Variants in ITIH3 observed in about 807,000 individuals in gnomAD.
ITIH3 encodes the protein inter-alpha-trypsin inhibitor heavy chain H3.
Under a neutral mutation model 96.5 loss-of-function variants are expected in ITIH3, and 81 were observed. The observed-to-expected ratio is 0.84, with a 90% CI of 0.70 to 1.01. ITIH3 has a LOEUF of 1.01. Among genes scored for constraint, ITIH3 ranks in the 50% least tolerant of loss-of-function variants. The pLI, the probability that ITIH3 is intolerant of heterozygous loss-of-function variation, is 0.00. For missense variants in ITIH3, 1,057 were observed against 1,139.3 expected, an observed-to-expected ratio of 0.93 and a Z score of 1.04; for synonymous variants, 422 against 445.2, an observed-to-expected ratio of 0.95 and a Z score of 0.66.
Position 52,808,181 on chromosome 3 carries a change from G to A in ITIH3, c.2503G>A (p.Ala835Thr), listed in dbSNP as rs1700125260. The A allele has an allele frequency of 7.4e-6, 12 of 1,614,232 alleles. No individual in the cohort carries two copies. The highest frequency in any genetic ancestry group is 1.0e-5 in the Non-Finnish European group (12 of 1,180,024). Residue 835 changes from alanine (A) to threonine (T), a missense_variant, in exon 21 of 22, where the codon GCC becomes ACC. By Grantham distance (58) the Ala-to-Thr change is moderately conservative. Transcript: ENST00000449956. ...AGGCTCTGACCCCACAAAGCCAGAT[G>A]CCACATTGGTGGTGAAGAACCATCA... ...RPGSDPTKPD[A>T]TLVVKNHQLI...
At position 52,808,112 on chromosome 3, in the gene ITIH3, C is replaced by A. The variant is rs1367005956; in HGVS notation, c.2434C>A (p.Gln812Lys). The A allele has an allele frequency of 2.5e-6, 4 of 1,613,832 alleles. No individual in the cohort carries two copies. In the African/African-American group the frequency reaches 4.0e-5, roughly 16 times the overall value. The change falls in exon 21 of 22, where the codon CAA becomes AAA. Residue 812 changes from glutamine (Q) to lysine (K), a missense_variant and splice_region_variant. Gln to Lys is a moderately conservative substitution (Grantham distance 53). Transcript: ENST00000449956. ...MSAQTHGLLG[Q>K]FFQPFDFKVS... ...AGCATGAATATTTTTCTTCCCAGGG[C>A]AATTCTTCCAACCCTTTGACTTTAA...
intron 13 of ITIH3, among the ~76,000 whole-genome samples, chr3:52,803,031 G>A (rs1317875195): frequency 2.0e-5 from 3 of 152,212 alleles, no homozygotes; most frequent in Non-Finnish European, 4.4e-5. Flanking sequence ...CCCCGGGGTA[G>A]GGGGGACTTC....
At chr3:52,803,052 T>C (rs1304270314) in intron 13 of ITIH3, among the ~76,000 whole-genome samples, 1 of 152,218 alleles carries the variant, frequency 6.6e-6, no homozygotes, top group Admixed American at 6.5e-5. Context: ...AGCACCCTGC[T>C]GCCCACACTG....
chr3:52,806,754 G>C (rs1424126899), intron 18 of ITIH3, 147 bp from the exon 19 acceptor site: 1 of 682,544 alleles, frequency 1.5e-6, no homozygotes, highest in African/African-American at 1.8e-5. Flanking sequence ...GAACCAACAG[G>C]CTTGGGCTCT....
rs768684372 is a variant in ITIH3 at position 52,796,859 on chromosome 3, C to G, written c.386+16C>G. 3 of 1,553,388 alleles carry G rather than the reference C, an allele frequency of 1.9e-6. No individual in the cohort carries two copies. Among genetic ancestry groups the G allele is most frequent in the Non-Finnish European group, 2.6e-6 (3 of 1,140,568 alleles). On this transcript the variant is annotated intron_variant, in intron 4 of 21. Transcript: ENST00000449956. ...GCTTGGTCAAGTAAGTATGGACTCCCAGGCCTTGGGGAGAATGTCTGGGAT... is the reference window on the plus strand; with the variant it reads ...GCTTGGTCAAGTAAGTATGGACTCCGAGGCCTTGGGGAGAATGTCTGGGAT...
chr3:52,799,530 G>C (rs770546252), intron 8 of ITIH3, 42 bp downstream of exon 8: 7 of 1,430,352 alleles, frequency 4.9e-6, no homozygotes, highest in Admixed American at 4.5e-5. Context: ...GGGGTAGTAG[G>C]GGGTGGAAGA....
intron 16 of ITIH3, 50 bp downstream of exon 16, chr3:52,805,890 C>T (rs772119083): frequency 5.9e-5 from 94 of 1,602,050 alleles, no homozygotes; most frequent in Non-Finnish European, 7.8e-5. Context: ...AGAGCCTGCC[C>T]CTGCCACATG....
intron 2 of ITIH3, chr3:52,796,149 A>C (rs774503148): frequency 2.1e-5 from 6 of 282,472 alleles, no homozygotes; most frequent in Non-Finnish European, 4.0e-5. Flanking sequence ...GAGCAGGAAG[A>C]GCCAGGGGCA....
At chr3:52,805,488 G>A (rs1192088839) in intron 15 of ITIH3, 7 of 1,155,452 alleles carry the variant, frequency 6.1e-6, no homozygotes, top group East Asian at 9.9e-5. Context: ...CAACTAGGGG[G>A]TGGGAAGCCC....
chr3:52,800,678 C>T lies in ITIH3; in HGVS notation c.1201+15C>T. 6.3e-7 allele frequency: 1 copy of T among 1,597,394 alleles called. No homozygotes were observed. Among genetic ancestry groups the T allele is most frequent in the Non-Finnish European group, 8.5e-7 (1 of 1,172,086 alleles). ...TGCCAATGTTGGTGAGGAGCACGGG[C>T]ATGGTTTTGAGCTAGGGCTGGAGTG... On this transcript the variant is annotated intron_variant, in intron 10 of 21. Coordinates refer to ENST00000449956, the MANE Select transcript of ITIH3 (RefSeq NM_002217.4).
chr3:52,807,693 G>A, intron 19 of ITIH3, 54 bp from the exon 20 acceptor site: 1 of 1,553,432 alleles, frequency 6.4e-7, no homozygotes, highest in Admixed American at 1.9e-5. Flanking sequence ...TGAGTCAGAT[G>A]CCCAGTGTCA....
In ITIH3 at chr3:52,797,695, C is replaced by A. The variant is rs1699646830; in HGVS notation, c.550-122C>A. 3 of 633,520 alleles carry A rather than the reference C, an allele frequency of 4.7e-6. No homozygotes were observed. In the East Asian group the frequency reaches 8.3e-5, roughly 18 times the overall value. 39.2% of individuals were successfully genotyped at this position (633,520 alleles called of 1,614,324 possible). ...TCGCAGTGGGAGACACCAGGCTTGG[C>A]CCTCAGCACTGTCCTAGAGGGTCCC... On this transcript the variant is annotated intron_variant, in intron 5 of 21. Coordinates refer to ENST00000449956, the MANE Select transcript of ITIH3 (RefSeq NM_002217.4).
At chr3:52,804,975 T>C (rs1699985340) in intron 15 of ITIH3, 2 of 557,866 alleles carry the variant, frequency 3.6e-6, no homozygotes, top group African/African-American at 1.9e-5. Context: ...ACAGTATCTA[T>C]GACCTGCAAA....
chr3:52,803,789 C>T (rs1282623291), intron 13 of ITIH3, 66 bp from the exon 14 acceptor site: 2 of 1,566,138 alleles, frequency 1.3e-6, no homozygotes, highest in South Asian at 1.1e-5. Flanking sequence ...TCCACTGCTC[C>T]AGTGCAGGGG....
Position 52,799,859 on chromosome 3 carries a change from A to G in ITIH3, c.1013A>G (p.Gln338Arg), listed in dbSNP as rs1319732001. 1 of 1,613,806 alleles carries G rather than the reference A, an allele frequency of 6.2e-7. No individual in the cohort carries two copies. The highest frequency in any genetic ancestry group is 1.3e-5 in the African/African-American group (1 of 74,938). The change falls in exon 9 of 22, where the codon CAG (glutamine) becomes CGG (arginine). Residue 338 changes from glutamine to arginine, a missense_variant. Gln to Arg is a conservative substitution (Grantham distance 43). Transcript: ENST00000449956. Reference sequence around the variant, plus strand: ...TCCACATGGAAAGAGCACTTAGTCCAGGCCACGCCCGAGAACCTCCAGGAG... The same window carrying G: ...TCCACATGGAAAGAGCACTTAGTCCGGGCCACGCCCGAGAACCTCCAGGAG... ...DVSTWKEHLV[Q>R]ATPENLQEAR...
chr3:52,795,624 G>T lies in ITIH3; in HGVS notation c.114+1G>T. Reference sequence around the variant, plus strand: ...TCAGAAACGGAGCCTCCCGGAAGGGGTAAGAACTTTCACCAGGGGGTGGGA... The same window carrying T: ...TCAGAAACGGAGCCTCCCGGAAGGGTTAAGAACTTTCACCAGGGGGTGGGA... On this transcript the variant is annotated splice_donor_variant, in intron 2 of 21. Transcript: ENST00000449956. LOFTEE classifies it high-confidence loss of function. 6.2e-7 allele frequency: 1 copy of T among 1,612,490 alleles called. No homozygotes were observed. The highest frequency in any genetic ancestry group is 1.1e-5 in the South Asian group (1 of 90,614).
intron 13 of ITIH3, among the ~76,000 whole-genome samples, chr3:52,803,016 G>C (rs1699895435): frequency 6.6e-6 from 1 of 152,230 alleles, no homozygotes; most frequent in Admixed American, 6.5e-5. Context: ...AGCAGCCTGG[G>C]AGTGCCCCGG....
chr3:52,807,920 C>T lies in ITIH3; in HGVS notation c.2431+4C>T, dbSNP rs556343667. On this transcript the variant is annotated splice_donor_region_variant and intron_variant, in intron 20 of 21. Coordinates refer to ENST00000449956, the MANE Select transcript of ITIH3 (RefSeq NM_002217.4). ...GCACAGACGCATGGGCTGCTGGGTA[C>T]GAAGTGTTCAGACTGCAGGCTGTTC... The T allele has an allele frequency of 6.2e-6, 10 of 1,611,962 alleles. No individual in the cohort carries two copies. Among genetic ancestry groups the T allele is most frequent in the Middle Eastern group, 1.7e-4 (1 of 5,930 alleles).
intron 18 of ITIH3, 129 bp downstream of exon 18, chr3:52,806,535 C>A: frequency 1.4e-6 from 1 of 714,798 alleles, no homozygotes; most frequent in Non-Finnish European, 2.3e-6. Flanking sequence ...CAAAGAAACC[C>A]CTGGGGGTGG....
Sources: allele counts gnomAD v4.1 joint callset (sites outside exome capture counted in the v4.1 genomes callset), GRCh38; gene constraint gnomAD v4.1.1; transcripts MANE v1.5; gene names NCBI Gene and HGNC (gene_info 2026-07-23, HGNC 2026-07-21).